Variants in PPP2R2B observed in about 807,000 individuals in gnomAD.
PPP2R2B encodes the protein serine/threonine-protein phosphatase 2A 55 kDa regulatory subunit B beta isoform.
In PPP2R2B, 5 loss-of-function variants were observed where a neutral mutation model predicts 46.0. The ratio of observed to expected loss-of-function variants is 0.11; its 90% confidence interval spans 0.06 to 0.23. PPP2R2B has a LOEUF of 0.23. PPP2R2B is among the 10% of genes least tolerant of loss of function. The pLI, the probability that PPP2R2B is intolerant of heterozygous loss-of-function variation, is 1.00. For synonymous variants in PPP2R2B, 215 were observed against 206.7 expected (o/e 1.04, Z -0.34); for missense variants, 367 against 575.0 (o/e 0.64, Z 3.70).
At chr5:146,812,970 C>CA (rs938046612) in intron 2 of PPP2R2B, among the ~76,000 whole-genome samples, 14 of 149,212 alleles carry the variant, frequency 9.4e-5, no homozygotes, top group Admixed American at 3.4e-4. Flanking sequence ...ATGGGAGCTA[C>CA]AATTCAAGAT....
chr5:146,808,994 T>TGTGTGTGTGTGTGCGC (rs1442659063), intron 2 of PPP2R2B, among the ~76,000 whole-genome samples: 41 of 134,400 alleles, frequency 3.1e-4, no homozygotes, highest in African/African-American at 1.1e-3. Context: ...TGTGTGTGTG[T>TGTGTGTGTGTGTGCGC]GCGCGCGCAC....
chr5:146,743,519 T>G (rs1451445828), intron 2 of PPP2R2B, among the ~76,000 whole-genome samples: 2 of 152,240 alleles, frequency 1.3e-5, no homozygotes, highest in East Asian at 3.8e-4. Flanking sequence ...TTTAGCTTAG[T>G]GACTCTGATG....
intron 5 of PPP2R2B, among the ~76,000 whole-genome samples, chr5:146,672,272 A>C (rs567928380): frequency 2.5e-4 from 38 of 152,180 alleles, no homozygotes; most frequent in Non-Finnish European, 4.4e-4. Flanking sequence ...TTGGTTTTTG[A>C]TGTTGAACAA....
At chr5:146,790,357 T>C (rs1320657715) in intron 2 of PPP2R2B, among the ~76,000 whole-genome samples, 1 of 152,198 alleles carries the variant, frequency 6.6e-6, no homozygotes, top group Non-Finnish European at 1.5e-5. Flanking sequence ...AAAAAAGCCC[T>C]TTGCTCTTGG....
chr5:146,700,896 A>G (rs542355021), intron 3 of PPP2R2B, 149 bp downstream of exon 3: 5 of 716,334 alleles, frequency 7.0e-6, no homozygotes, highest in East Asian at 2.5e-5. Context: ...GTCTGAATGT[A>G]TAACAGTTGA....
intron 6 of PPP2R2B, among the ~76,000 whole-genome samples, chr5:146,641,436 C>T (rs1201541108): frequency 2.0e-5 from 3 of 151,826 alleles, no homozygotes; most frequent in East Asian, 1.9e-4. Flanking sequence ...TAGGCTTGTG[C>T]TCTCTTAATT....
At chr5:146,768,887 A>AT (rs1754659991) in intron 2 of PPP2R2B, among the ~76,000 whole-genome samples, 2 of 110,012 alleles carry the variant, frequency 1.8e-5, no homozygotes, top group Non-Finnish European at 4.1e-5. Flanking sequence ...ATTTGTTGTT[A>AT]CTTTTTTTTT....
chr5:146,793,286 T>C (rs1378098401), intron 2 of PPP2R2B, among the ~76,000 whole-genome samples: 2 of 152,172 alleles, frequency 1.3e-5, no homozygotes, highest in Admixed American at 6.5e-5. Context: ...GTCGGAAATA[T>C]TAAGTCTGCG....
At chr5:146,786,152 T>A (rs529414823) in intron 2 of PPP2R2B, among the ~76,000 whole-genome samples, 7 of 152,072 alleles carry the variant, frequency 4.6e-5, no homozygotes, top group African/African-American at 1.7e-4. Context: ...ACCCCATAAA[T>A]ATGAACAATT....
At chr5:147,012,394 A>G (rs1754782187) in intron 1 of PPP2R2B, among the ~76,000 whole-genome samples, 1 of 151,900 alleles carries the variant, frequency 6.6e-6, no homozygotes, top group Non-Finnish European at 1.5e-5. Flanking sequence ...CTCTGATGGT[A>G]GTTTGTATTT....
intron 6 of PPP2R2B, among the ~76,000 whole-genome samples, chr5:146,648,650 G>A (rs1775740699): frequency 6.6e-6 from 1 of 152,144 alleles, no homozygotes; most frequent in Non-Finnish European, 1.5e-5. Context: ...TCAAATCATG[G>A]TAAGTACCAT....
chr5:146,913,272 G>A (rs1411118199), intron 1 of PPP2R2B, among the ~76,000 whole-genome samples: 2 of 152,166 alleles, frequency 1.3e-5, no homozygotes, highest in Non-Finnish European at 2.9e-5. Flanking sequence ...AAGGCAGAGG[G>A]AAAGGATTGA....
At chr5:147,001,610 C>A (rs1243299087) in intron 1 of PPP2R2B, among the ~76,000 whole-genome samples, 2 of 152,118 alleles carry the variant, frequency 1.3e-5, no homozygotes, top group Non-Finnish European at 2.9e-5. Flanking sequence ...GACCAAGAAC[C>A]CACCAATTCC....
At chr5:146,810,313 C>T (rs1757448601) in intron 2 of PPP2R2B, among the ~76,000 whole-genome samples, 1 of 152,090 alleles carries the variant, frequency 6.6e-6, no homozygotes, top group South Asian at 2.1e-4. Flanking sequence ...CATATGGTGG[C>T]GGGCAAGAGA....
chr5:146,765,986 T>C (rs912797299), intron 2 of PPP2R2B, among the ~76,000 whole-genome samples: 17 of 152,214 alleles, frequency 1.1e-4, no homozygotes, highest in African/African-American at 3.6e-4. Context: ...CCATTTATTA[T>C]CATCTGGTGA....
intron 1 of PPP2R2B, among the ~76,000 whole-genome samples, chr5:146,949,680 G>A (rs996697494): frequency 6.6e-6 from 1 of 151,958 alleles, no homozygotes; most frequent in South Asian, 2.1e-4. Context: ...CCCAAAGAAA[G>A]GAAATCAGTA....
chr5:146,827,823 C>A (rs778603126), intron 2 of PPP2R2B, among the ~76,000 whole-genome samples: 1 of 152,028 alleles, frequency 6.6e-6, no homozygotes, highest in Non-Finnish European at 1.5e-5. Context: ...TTAATTCTGT[C>A]GGTAAATACT....
At chr5:146,841,662 T>C (rs928242187) in intron 2 of PPP2R2B, among the ~76,000 whole-genome samples, 1 of 152,112 alleles carries the variant, frequency 6.6e-6, no homozygotes, top group African/African-American at 2.4e-5. Flanking sequence ...AAACCATCAT[T>C]CTCAGCAAAC....
intron 2 of PPP2R2B, among the ~76,000 whole-genome samples, chr5:147,072,875 A>G (rs1052471782): frequency 1.2e-4 from 19 of 152,174 alleles, no homozygotes; most frequent in Non-Finnish European, 2.5e-4. Context: ...GTCCTAGCTA[A>G]TTCCTGTTTC....
Sources: gnomAD v4.1 joint callset for allele counts (sites outside exome capture counted in the v4.1 genomes callset) on GRCh38, gnomAD v4.1.1 for gene constraint, MANE v1.5 for transcripts, NCBI Gene and HGNC (gene_info 2026-07-23, HGNC 2026-07-21) for gene names.